GABRB2: variants seen among roughly 807,000 people sequenced by gnomAD.
The protein encoded by GABRB2 is gamma-aminobutyric acid type A receptor subunit beta2, also known as gamma-aminobutyric acid receptor subunit beta-2.
GABRB2 carries 16 observed loss-of-function variants against 54.7 expected under a neutral mutation model. That is an observed-to-expected ratio of 0.29 (90% CI 0.20 to 0.44). GABRB2 has a LOEUF of 0.44. GABRB2 is among the 20% of genes least tolerant of loss of function. GABRB2 has a pLI of 1.00. For synonymous variants in GABRB2, 244 were observed against 233.8 expected (o/e 1.04, Z -0.40); for missense variants, 355 against 644.0 (o/e 0.55, Z 4.86).
At chr5:161,458,264 C>T (rs546113607) in intron 4 of GABRB2, among the ~76,000 whole-genome samples, 3 of 152,182 alleles carry the variant, frequency 2.0e-5, no homozygotes, top group Non-Finnish European at 4.4e-5. Flanking sequence ...AAGTCCACCA[C>T]TTCAGTAGAA....
chr5:161,435,269 T>C (rs1757276688), intron 4 of GABRB2, among the ~76,000 whole-genome samples: 1 of 152,188 alleles, frequency 6.6e-6, no homozygotes, highest in Admixed American at 6.5e-5. Context: ...ACAAAGCAGA[T>C]TTTTGGCCAA....
chr5:161,324,742 A>T (rs1207970822), intron 9 of GABRB2, among the ~76,000 whole-genome samples: 2 of 152,162 alleles, frequency 1.3e-5, no homozygotes, highest in Admixed American at 1.3e-4. Flanking sequence ...CATAGTGTGA[A>T]CTTAAAAGAG....
chr5:161,498,491 A>G (rs76312535), intron 3 of GABRB2, among the ~76,000 whole-genome samples: 6,618 of 152,258 alleles, frequency 0.043, 422 homozygotes, highest in Admixed American at 0.16. Context: ...ATCAAGAATG[A>G]TAACCTACTA....
intron 3 of GABRB2, 105 bp downstream of exon 3, chr5:161,545,122 A>C: frequency 2.8e-6 from 2 of 715,034 alleles, no homozygotes; most frequent in East Asian, 3.1e-5. Flanking sequence ...CCCCCACCTC[A>C]TACACATAGC....
intron 3 of GABRB2, among the ~76,000 whole-genome samples, chr5:161,516,660 G>A (rs1337785490): frequency 6.6e-6 from 1 of 151,724 alleles, no homozygotes; most frequent in African/African-American, 2.4e-5. Flanking sequence ...TTTTTTTATT[G>A]AAAAAGTTTA....
chr5:161,453,772 C>T (rs1447453785), intron 4 of GABRB2, among the ~76,000 whole-genome samples: 1 of 152,116 alleles, frequency 6.6e-6, no homozygotes, highest in African/African-American at 2.4e-5. Context: ...CATAGTGGCT[C>T]ATGCCTGTAA....
intron 4 of GABRB2, among the ~76,000 whole-genome samples, chr5:161,455,128 G>C (rs1003925254): frequency 3.9e-5 from 6 of 152,312 alleles, no homozygotes; most frequent in Middle Eastern, 6.8e-3. Flanking sequence ...TGGTGTGCAT[G>C]CTTAAATTTC....
At chr5:161,437,875 G>T (rs1178760677) in intron 4 of GABRB2, among the ~76,000 whole-genome samples, 1 of 152,180 alleles carries the variant, frequency 6.6e-6, no homozygotes, top group Non-Finnish European at 1.5e-5. Flanking sequence ...TAGCTCAGCT[G>T]CAACACAACA....
intron 5 of GABRB2, among the ~76,000 whole-genome samples, chr5:161,367,062 T>C (rs1005113880): frequency 6.6e-6 from 1 of 152,200 alleles, no homozygotes; most frequent in African/African-American, 2.4e-5. Context: ...GATATTGCTC[T>C]AAGAATATAT....
At chr5:161,298,868 G>A (rs1471597040) in intron 9 of GABRB2, among the ~76,000 whole-genome samples, 3 of 152,178 alleles carry the variant, frequency 2.0e-5, no homozygotes, top group Non-Finnish European at 2.9e-5. Context: ...CTGATCTCAT[G>A]TGTGGAAAAT....
intron 4 of GABRB2, among the ~76,000 whole-genome samples, chr5:161,446,556 T>C (rs1282316122): frequency 6.6e-6 from 1 of 152,150 alleles, no homozygotes; most frequent in East Asian, 1.9e-4. Flanking sequence ...GCACAGACTT[T>C]GGAGTCAGGC....
chr5:161,436,856 C>T (rs1757326399), intron 4 of GABRB2, among the ~76,000 whole-genome samples: 1 of 152,062 alleles, frequency 6.6e-6, no homozygotes, highest in Non-Finnish European at 1.5e-5. Flanking sequence ...AATTTTGAGG[C>T]ACCGAATTCA....
chr5:161,489,636 G>T (rs1759042379), intron 3 of GABRB2, among the ~76,000 whole-genome samples: 1 of 151,624 alleles, frequency 6.6e-6, no homozygotes, highest in Non-Finnish European at 1.5e-5. Context: ...CAGGTCATAA[G>T]CTCAAGCAAT....
At chr5:161,365,534 T>C (rs1754947347) in intron 5 of GABRB2, among the ~76,000 whole-genome samples, 1 of 152,218 alleles carries the variant, frequency 6.6e-6, no homozygotes, top group Non-Finnish European at 1.5e-5. Context: ...TTAGGGAAAT[T>C]ATCATATCTG....
At chr5:161,400,923 A>T (rs1244032574) in intron 5 of GABRB2, among the ~76,000 whole-genome samples, 2 of 152,054 alleles carry the variant, frequency 1.3e-5, no homozygotes, top group Non-Finnish European at 2.9e-5. Flanking sequence ...ATTCATATTG[A>T]TTTTTTTCAA....
chr5:161,439,440 T>C (rs1757398362), intron 4 of GABRB2, among the ~76,000 whole-genome samples: 1 of 150,912 alleles, frequency 6.6e-6, no homozygotes, highest in African/African-American at 2.4e-5. Context: ...TAATGAGCAA[T>C]AAATGATCAC....
At chr5:161,407,218 C>T (rs1228600157) in intron 5 of GABRB2, among the ~76,000 whole-genome samples, 1 of 151,938 alleles carries the variant, frequency 6.6e-6, no homozygotes. Context: ...CATGATGAGG[C>T]CATGTAGTTG....
At chr5:161,505,089 G>T (rs10036407) in intron 3 of GABRB2, among the ~76,000 whole-genome samples, 2,226 of 150,854 alleles carry the variant, frequency 0.015, 56 homozygotes, top group African/African-American at 0.051. Flanking sequence ...ACATTCTGAA[G>T]TCTTTTCTTT....
chr5:161,447,094 T>C (rs1166599706), intron 4 of GABRB2, among the ~76,000 whole-genome samples: 3 of 152,204 alleles, frequency 2.0e-5, no homozygotes. Flanking sequence ...CCAGGCACTT[T>C]AGTAAATTCT....
Sources: gnomAD v4.1 joint callset for allele counts (sites outside exome capture counted in the v4.1 genomes callset) on GRCh38, gnomAD v4.1.1 for gene constraint, MANE v1.5 for transcripts, NCBI Gene and HGNC (gene_info 2026-07-23, HGNC 2026-07-21) for gene names.